The following PTGDS variants were observed in gnomAD, a reference collection of about 807,000 sequenced individuals.
PTGDS encodes prostaglandin-H2 D-isomerase.
Under a neutral mutation model 28.4 loss-of-function variants are expected in PTGDS, and 21 were observed. The ratio of observed to expected loss-of-function variants is 0.74; its 90% CI spans 0.52 to 1.07. The LOEUF is 1.07. Ranked by LOEUF, PTGDS falls within the 50% of genes least tolerant of loss-of-function variation. The probability of loss-of-function intolerance (pLI) is 0.00; values close to 1 mark genes in which losing one functional copy is unlikely to be tolerated. For synonymous variants in PTGDS, 102 were observed against 106.0 expected, an observed-to-expected ratio of 0.96 and a Z score of 0.23; for missense variants, 243 against 247.7, an observed-to-expected ratio of 0.98 and a Z score of 0.13.
intron 1 of PTGDS, among the ~76,000 whole-genome samples, chr9:136,978,427 G>T (rs1830401047): frequency 1.4e-5 from 2 of 147,672 alleles, no homozygotes; most frequent in Admixed American, 6.7e-5. Flanking sequence ...GGCGTGGCCA[G>T]CTTCTGGGGC....
At position 136,979,270 on chromosome 9, in the gene PTGDS, C is replaced by T; in HGVS notation, c.302C>T (p.Ser101Phe). 2.5e-6 allele frequency: 4 copies of T among 1,611,966 alleles called. No homozygotes were observed. The highest frequency in any genetic ancestry group is 3.4e-6 in the Non-Finnish European group (4 of 1,179,478). Residue 101 changes from serine to phenylalanine, a missense_variant, in exon 3 of 7, where the codon TCC becomes TTC. Transcript: ENST00000371625. ...ACCATGCTGCTGCAGCCCGCGGGGT[C>T]CCTCGGCTCCTACAGCTACCGGAGT... ...TRTMLLQPAG[S>F]LGSYSYRSPH...
intron 1 of PTGDS, among the ~76,000 whole-genome samples, chr9:136,978,136 G>A (rs1022249174): frequency 6.6e-6 from 1 of 152,144 alleles, no homozygotes; most frequent in Admixed American, 6.5e-5. Flanking sequence ...TCTCGCCCGG[G>A]AGCTGCTCGG....
rs372272086 is a variant in PTGDS, at chr9:136,979,020, C to T, written c.142C>T (p.Leu48Phe). 1.3e-5 allele frequency: 21 copies of T among 1,608,976 alleles called. No individual in the cohort carries two copies. The highest frequency in any genetic ancestry group is 1.7e-5 in the Non-Finnish European group (20 of 1,178,116). ...CCTGGGGCGCTGGTTCAGCGCGGGC[C>T]TCGCCTCCAACTCGAGCTGGCTCCG... ...KFLGRWFSAGLASNSSWLREK... is the reference protein window; with the variant it reads ...KFLGRWFSAGFASNSSWLREK... Residue 48 changes from leucine to phenylalanine, a missense_variant, in exon 2 of 7, where the codon CTC (leucine) becomes TTC (phenylalanine). Transcript: ENST00000371625.
intron 6 of PTGDS, 23 bp downstream of exon 6, chr9:136,980,878 T>TCATTCATTCATA: frequency 6.4e-7 from 1 of 1,564,856 alleles, no homozygotes; most frequent in East Asian, 2.3e-5. Flanking sequence ...ATTCATTCAT[T>TCATTCATTCATA]CATTCATTCA....
intron 3 of PTGDS, 56 bp downstream of exon 3, chr9:136,979,355 G>GA: frequency 6.3e-7 from 1 of 1,586,526 alleles, no homozygotes; most frequent in Non-Finnish European, 8.6e-7. Flanking sequence ...CACTTGCCGG[G>GA]ACGACTCTGG....
At chr9:136,977,761 G>A (rs2131395719) in intron 1 of PTGDS, 69 bp downstream of exon 1, 1 of 1,368,128 alleles carries the variant, frequency 7.3e-7, no homozygotes, top group East Asian at 2.7e-5. Flanking sequence ...CTTTCCGGCT[G>A]GGTCTTCCCC....
chr9:136,979,577 C>G (rs572666276), intron 3 of PTGDS: 2 of 910,030 alleles, frequency 2.2e-6, no homozygotes, highest in African/African-American at 3.4e-5. Context: ...CATAAGCAGC[C>G]CCCCAAGGCC....
Position 136,980,288 on chromosome 9 carries a change from AG to A in PTGDS, c.550+8del, listed in dbSNP as rs1407718552. Reference sequence around the variant, plus strand: ...ATTGTCTTCCTGCCCCAAACCGGTGAGGGGTCCTAATCTGATGGGGAGAGGA... The same window carrying A: ...ATTGTCTTCCTGCCCCAAACCGGTGAGGGTCCTAATCTGATGGGGAGAGGA... On this transcript the variant is annotated splice_donor_5th_base_variant and intron_variant, in intron 5 of 6. Coordinates refer to ENST00000371625, the MANE Select transcript of PTGDS (RefSeq NM_000954.6). 6.2e-7 allele frequency: 1 copy of A among 1,613,490 alleles called. No individual in the cohort carries two copies. Among genetic ancestry groups the A allele is most frequent in the East Asian group, 2.2e-5 (1 of 44,876 alleles).
intron 5 of PTGDS, 98 bp downstream of exon 5, chr9:136,980,382 C>A: frequency 7.5e-7 from 1 of 1,327,434 alleles, no homozygotes; most frequent in Non-Finnish European, 1.0e-6. Flanking sequence ...GAGGTGGCCC[C>A]GCCCTGCTCG....
Position 136,980,034 on chromosome 9 carries a change from C to T in PTGDS, c.420C>T (p.Gly140=), listed in dbSNP as rs774604004. ...ACAGCCAGGGCAGCAAGGGCCCTGG[C>T]GAGGACTTCCGCATGGCCACCCTCT... The part of the protein sequence containing the change: ...LLYSQGSKGP[G]EDFRMATLYS... The change falls in exon 4 of 7, where the codon GGC becomes GGT. Residue 140 remains glycine (G), a synonymous_variant. Transcript: ENST00000371625. 6.2e-6 allele frequency: 10 copies of T among 1,612,682 alleles called. No individual in the cohort carries two copies. Among genetic ancestry groups the T allele is most frequent in the East Asian group, 2.2e-5 (1 of 44,868 alleles).
intron 3 of PTGDS, chr9:136,979,583 A>C: frequency 1.1e-6 from 1 of 886,966 alleles, no homozygotes; most frequent in Non-Finnish European, 1.7e-6. Context: ...CAGCCCCCCA[A>C]GGCCCCTCCA....
intron 1 of PTGDS, chr9:136,978,663 C>A (rs1830408847): frequency 3.3e-6 from 1 of 305,970 alleles, no homozygotes; most frequent in Non-Finnish European, 6.1e-6. Flanking sequence ...AGGGCGGGGC[C>A]AGCTCTTGGG....
rs8192609 is a variant in PTGDS, at chr9:136,980,213, A to T, written c.479A>T (p.Lys160Met). 4 of 1,614,030 alleles carry T rather than the reference A, an allele frequency of 2.5e-6. No individual in the cohort carries two copies. The highest frequency in any genetic ancestry group is 1.6e-4 in the Middle Eastern group (1 of 6,062). Residue 160 changes from lysine (K) to methionine (M), a missense_variant, in exon 5 of 7, where the codon AAG becomes ATG. Coordinates refer to ENST00000371625, the MANE Select transcript of PTGDS (RefSeq NM_000954.6). ...ACCCAGACCCCCAGGGCTGAGTTAA[A>T]GGAGAAATTCACCGCCTTCTGCAAG... is the stretch of plus-strand genomic sequence containing the variant. ...SRTQTPRAELKEKFTAFCKAQ... is the reference protein window; with the variant it reads ...SRTQTPRAELMEKFTAFCKAQ...
chr9:136,977,928 A>AGG (rs1375889690), intron 1 of PTGDS, among the ~76,000 whole-genome samples: 1 of 152,090 alleles, frequency 6.6e-6, no homozygotes, highest in East Asian at 1.9e-4. Flanking sequence ...CCACGCAGAC[A>AGG]CCGGGCCACA....
intron 1 of PTGDS, among the ~76,000 whole-genome samples, chr9:136,978,563 C>T: frequency 1.0e-5 from 1 of 98,406 alleles, no homozygotes; most frequent in Non-Finnish European, 2.1e-5. Context: ...GCGTGGTCAG[C>T]TCCTGGGGCG....
Position 136,980,856 on chromosome 9 carries a change from G to A in PTGDS, c.*1G>A. On this transcript the variant is annotated splice_donor_variant, in intron 6 of 6. Transcript: ENST00000371625. LOFTEE classifies it low-confidence loss of function (3UTR_SPLICE). ...AGATAAGTGCATGACGGAACAATAG[G>A]TGAGCCACTCCATTCATTCATTCAT... The A allele has an allele frequency of 1.3e-6, 2 of 1,588,574 alleles. No homozygotes were observed. The highest frequency in any genetic ancestry group is 1.7e-6 in the Non-Finnish European group (2 of 1,166,518).
At chr9:136,981,109 A>G (rs985045173) in intron 6 of PTGDS, 6 of 555,234 alleles carry the variant, frequency 1.1e-5, no homozygotes, top group Non-Finnish European at 1.9e-5. Flanking sequence ...CTGAAGGCTC[A>G]TGGTTGGGGG....
At chr9:136,979,545 C>T in intron 3 of PTGDS, 1 of 1,238,488 alleles carries the variant, frequency 8.1e-7, no homozygotes, top group Admixed American at 2.6e-5. Context: ...GGCCCCTTCC[C>T]TGCCCTCTGG....
intron 3 of PTGDS, 108 bp from the exon 4 acceptor site, chr9:136,979,838 A>C: frequency 2.8e-6 from 3 of 1,071,850 alleles, no homozygotes; most frequent in South Asian, 1.3e-5. Flanking sequence ...ATCCCGGGCC[A>C]GCCGAGGGGC....
Sources: gnomAD v4.1 joint callset for allele counts (sites outside exome capture counted in the v4.1 genomes callset) on GRCh38, gnomAD v4.1.1 for gene constraint, MANE v1.5 for transcripts, NCBI Gene and HGNC (gene_info 2026-07-23, HGNC 2026-07-21) for gene names.